Variants in PARG observed in about 807,000 individuals in gnomAD.
PARG encodes poly(ADP-ribose) glycohydrolase, also known as mitochondrial poly(ADP-ribose) glycohydrolase.
Under a neutral mutation model 113.0 loss-of-function variants are expected in PARG, and 35 were observed. The ratio of observed to expected loss-of-function variants is 0.31; its 90% CI spans 0.24 to 0.41. The LOEUF is 0.41. Ranked by LOEUF, PARG falls within the 10% of genes least tolerant of loss-of-function variation. The probability of loss-of-function intolerance (pLI) is 1.00; values close to 1 mark genes in which losing one functional copy is unlikely to be tolerated. For synonymous variants in PARG, 330 were observed against 409.9 expected (o/e 0.81, Z 2.36); for missense variants, 797 against 1,169.4 (o/e 0.68, Z 4.64).
intron 16 of PARG, among the ~76,000 whole-genome samples, chr10:49,827,425 T>G (rs1554829562): frequency 6.6e-6 from 1 of 152,208 alleles, no homozygotes; most frequent in African/African-American, 2.4e-5. Context: ...AGGTAACATA[T>G]ACGGGGAAGT....
chr10:49,933,308 A>G lies in PARG; in HGVS notation c.1140T>C (p.Asn380=). Residue 380 remains asparagine, a synonymous_variant, in exon 3 of 18, where the codon AAT becomes AAC. Coordinates refer to ENST00000616448, the MANE Select transcript of PARG (RefSeq NM_003631.5). ...FEGGESRTGM[N]DLNAKLPGNI... is the part of the protein sequence containing the mutation. ...TTCCAGGTAGTTTAGCATTTAAATC[A>G]TTCATTCCAGTGCGACTCTCTCCTC... The G allele has an allele frequency of 6.2e-7, 1 of 1,610,690 alleles. No individual in the cohort carries two copies. The highest frequency in any genetic ancestry group is 8.5e-7 in the Non-Finnish European group (1 of 1,177,420).
chr10:49,821,538 C>T (rs1844077085), intron 16 of PARG, among the ~76,000 whole-genome samples: 1 of 152,084 alleles, frequency 6.6e-6, no homozygotes, highest in Non-Finnish European at 1.5e-5. Context: ...TGCCACCATA[C>T]CTGGCTAATT....
intron 16 of PARG, among the ~76,000 whole-genome samples, chr10:49,829,593 A>C (rs1844554872): frequency 6.6e-6 from 1 of 152,206 alleles, no homozygotes; most frequent in Non-Finnish European, 1.5e-5. Context: ...TGTAATCACA[A>C]CACCAGCCTA....
At chr10:49,826,541 A>C (rs1554829408) in intron 16 of PARG, among the ~76,000 whole-genome samples, 1 of 152,244 alleles carries the variant, frequency 6.6e-6, no homozygotes, top group Non-Finnish European at 1.5e-5. Context: ...CCAAAATTAC[A>C]AAATAACTAG....
At chr10:49,829,977 T>G (rs74611999) in intron 16 of PARG, among the ~76,000 whole-genome samples, 2,327 of 152,270 alleles carry the variant, frequency 0.015, 28 homozygotes, top group Middle Eastern at 0.027. Flanking sequence ...ACTTTATGAC[T>G]CATTCTAAAT....
In PARG at chr10:49,933,160, T is replaced by C. The variant is rs1554910250; in HGVS notation, c.1271+17A>G. The C allele has an allele frequency of 4.6e-6, 7 of 1,534,226 alleles. No homozygotes were observed. Among genetic ancestry groups the C allele is most frequent in the African/African-American group, 1.4e-5 (1 of 73,454 alleles). ...GCATATTATGCTATTGGAGAGATAC[T>C]GCTGAGAGAAAATTACCTTCTGTCC... is the stretch of plus-strand genomic sequence containing the variant. On this transcript the variant is annotated intron_variant, in intron 3 of 17. Transcript: ENST00000616448.
intron 1 of PARG, among the ~76,000 whole-genome samples, chr10:49,937,088 AAG>A (rs1177121969): frequency 6.6e-6 from 1 of 152,236 alleles, no homozygotes; most frequent in African/African-American, 2.4e-5. Context: ...CAGAGGGAGT[AAG>A]AGGATAAACC....
intron 7 of PARG, among the ~76,000 whole-genome samples, chr10:49,899,249 T>C (rs1848241680): frequency 6.6e-6 from 1 of 152,170 alleles, no homozygotes; most frequent in Admixed American, 6.5e-5. Flanking sequence ...AAGCTCACAT[T>C]TCAAAAATTA....
chr10:49,917,204 T>C (rs1185624062), intron 6 of PARG, among the ~76,000 whole-genome samples: 1 of 151,970 alleles, frequency 6.6e-6, no homozygotes, highest in Non-Finnish European at 1.5e-5. Context: ...AAATAAGAGA[T>C]TTTAGGCTGG....
In PARG at chr10:49,857,344, G is replaced by C. The variant is rs1287645471; in HGVS notation, c.2315C>G (p.Thr772Ser). Residue 772 changes from threonine (T) to serine (S), a missense_variant, in exon 13 of 18, where the codon ACT (threonine) becomes AGT (serine). Around this residue, in one of 5 missense-constraint regions of PARG, gnomAD observed 40 missense variants for 124.5 expected, o/e 0.32. Coordinates refer to ENST00000616448, the MANE Select transcript of PARG (RefSeq NM_003631.5). Reference protein sequence around the residue: ...NPELIISRLFTEVLDHNECLI... With the variant: ...NPELIISRLFSEVLDHNECLI... The stretch of plus-strand genomic sequence containing the variant: ...ACATTCATTGTGATCCAGCACCTCA[G>C]TGAAGAGCCGTGAAATAATCAACTC... 2 of 1,228,242 alleles carry C rather than the reference G, an allele frequency of 1.6e-6. No homozygotes were observed. Among genetic ancestry groups the C allele is most frequent in the Non-Finnish European group, 1.2e-6 (1 of 845,616 alleles). The allele number at this position is 1,228,242 out of a possible 1,614,324, so 76.1% of individuals were successfully genotyped here. A position where few individuals can be genotyped will look rare whatever the true frequency, so the allele number is the denominator to read the frequency against.
chr10:49,903,390 A>G (rs1554844118), intron 7 of PARG, among the ~76,000 whole-genome samples: 3 of 152,086 alleles, frequency 2.0e-5, no homozygotes, highest in Non-Finnish European at 1.5e-5. Flanking sequence ...ACACAAAATA[A>G]TTCCTAAATC....
chr10:49,902,857 G>A (rs554587018), intron 7 of PARG, among the ~76,000 whole-genome samples: 15 of 150,322 alleles, frequency 1.0e-4, no homozygotes, highest in African/African-American at 3.2e-4. Context: ...TTTTTGAGAC[G>A]GAGTCTCACT....
chr10:49,834,098 G>A (rs567837061), intron 15 of PARG, among the ~76,000 whole-genome samples: 276 of 152,234 alleles, frequency 1.8e-3, no homozygotes, highest in Non-Finnish European at 3.3e-3. Context: ...GTGGTATAGA[G>A]CTTACACAAG....
intron 3 of PARG, among the ~76,000 whole-genome samples, 176 bp from the exon 4 acceptor site, chr10:49,932,459 C>G (rs1838538832): frequency 6.6e-6 from 1 of 152,114 alleles, no homozygotes; most frequent in African/African-American, 2.4e-5. Context: ...TTATAAAACT[C>G]AAGAGCTTAT....
In PARG at chr10:49,842,076, G is replaced by C; in HGVS notation, c.2433-18C>G. The C allele has an allele frequency of 6.6e-7, 1 of 1,509,348 alleles. No individual in the cohort carries two copies. The highest frequency in any genetic ancestry group is 9.0e-7 in the Non-Finnish European group (1 of 1,110,866). 93.5% of individuals were successfully genotyped at this position (1,509,348 alleles called of 1,614,324 possible). A position where few individuals can be genotyped will look rare whatever the true frequency, so the allele number is the denominator to read the frequency against. On this transcript the variant is annotated intron_variant, in intron 14 of 17. Coordinates refer to ENST00000616448, the MANE Select transcript of PARG (RefSeq NM_003631.5). ...AGTCGTCCCTGGGACAGGAAGGAAA[G>C]GGGAGAAAAGATAAGGAACAGGTAG...
intron 11 of PARG, among the ~76,000 whole-genome samples, chr10:49,862,086 CGTGTGTGTGT>C (rs35142553): frequency 7.0e-6 from 1 of 142,956 alleles, no homozygotes; most frequent in Non-Finnish European, 1.5e-5. Flanking sequence ...GTTTCATAAC[CGTGTGTGTGT>C]GTGTGTGTGT....
chr10:49,879,734 G>A lies in PARG; in HGVS notation c.1927C>T (p.Pro643Ser). The A allele has an allele frequency of 6.3e-7, 1 of 1,578,416 alleles. No homozygotes were observed. The highest frequency in any genetic ancestry group is 2.3e-5 in the East Asian group (1 of 44,006). Residue 643 changes from proline (P) to serine (S), a missense_variant, in exon 9 of 18, where the codon CCA becomes TCA. Pro to Ser is a moderately conservative substitution (Grantham distance 74). Coordinates refer to ENST00000616448, the MANE Select transcript of PARG (RefSeq NM_003631.5). Reference protein sequence around the residue: ...LLANAFFCTFPRRNAKMKSEY... With the variant: ...LLANAFFCTFSRRNAKMKSEY... ...GATTTCATCTTAGCATTTCGTCGTG[G>A]AAATGTGCAGAAGAAAGCATTAGCT...
At chr10:49,830,450 C>T (rs1053835126) in intron 16 of PARG, among the ~76,000 whole-genome samples, 7 of 152,166 alleles carry the variant, frequency 4.6e-5, no homozygotes, top group Non-Finnish European at 8.8e-5. Flanking sequence ...TTTATAAGCA[C>T]ACCACAAAAA....
At chr10:49,821,919 A>G (rs1235331605) in intron 16 of PARG, among the ~76,000 whole-genome samples, 2 of 152,234 alleles carry the variant, frequency 1.3e-5, no homozygotes, top group Non-Finnish European at 2.9e-5. Flanking sequence ...TATGACTTAT[A>G]TAAGTCCATA....
Sources: allele counts gnomAD v4.1 joint callset (sites outside exome capture counted in the v4.1 genomes callset), GRCh38; gene constraint gnomAD v4.1.1; regional missense constraint gnomAD v4.1.1; transcripts MANE v1.5; gene names NCBI Gene and HGNC (gene_info 2026-07-23, HGNC 2026-07-21).